The following CHD7 variants were observed in gnomAD, a reference collection of about 807,000 sequenced individuals.
CHD7 encodes ATP-dependent chromatin remodeler CHD7.
A neutral mutation model predicts 307.3 loss-of-function variants in CHD7; 24 were observed. The observed-to-expected ratio is 0.08, with a 90% CI of 0.06 to 0.11. CHD7 has a LOEUF of 0.11. CHD7 is among the 10% of genes least tolerant of loss of function. The pLI, the probability that CHD7 is intolerant of heterozygous loss-of-function variation, is 1.00. For synonymous variants in CHD7, 1,363 were observed against 1,349.9 expected (o/e 1.01, Z -0.21); for missense variants, 3,106 against 3,727.1 (o/e 0.83, Z 4.34).
chr8:60,778,093 G>C (rs755333032), intron 2 of CHD7, among the ~76,000 whole-genome samples: 43 of 150,452 alleles, frequency 2.9e-4, no homozygotes, highest in Non-Finnish European at 5.6e-4. Flanking sequence ...CATCTGGTGG[G>C]GTGGGGGGTG....
intron 19 of CHD7, among the ~76,000 whole-genome samples, chr8:60,840,425 G>A (rs1191646215): frequency 1.3e-5 from 2 of 152,108 alleles, no homozygotes; most frequent in South Asian, 2.1e-4. Flanking sequence ...TGCCTGAGAT[G>A]GATGCTGAGG....
At chr8:60,698,294 G>A (rs372071995) in intron 1 of CHD7, among the ~76,000 whole-genome samples, 17 of 152,344 alleles carry the variant, frequency 1.1e-4, no homozygotes, top group African/African-American at 3.8e-4. Flanking sequence ...AGGATAATTT[G>A]AGAGGATTTT....
At chr8:60,770,919 CATA>C (rs1810678387) in intron 2 of CHD7, among the ~76,000 whole-genome samples, 1 of 152,160 alleles carries the variant, frequency 6.6e-6, no homozygotes, top group African/African-American at 2.4e-5. Context: ...AGGTAGTAGG[CATA>C]ATGTTTGAGA....
At chr8:60,765,165 G>C (rs1429456553) in intron 2 of CHD7, among the ~76,000 whole-genome samples, 1 of 151,832 alleles carries the variant, frequency 6.6e-6, no homozygotes, top group Non-Finnish European at 1.5e-5. Flanking sequence ...TAGGCCTCTG[G>C]TATGTGTCAG....
At chr8:60,712,259 A>G (rs1807314892) in intron 1 of CHD7, among the ~76,000 whole-genome samples, 1 of 152,170 alleles carries the variant, frequency 6.6e-6, no homozygotes, top group Non-Finnish European at 1.5e-5. Context: ...TAAAATTATT[A>G]TTATTATTTT....
chr8:60,742,197 G>A lies in CHD7; in HGVS notation c.765G>A (p.Gln255=). ...CTTCCTTGCGTCACTCGGTGCAGCA[G>A]TTCCATCACCACCCCTCTACTGCTC... ...MAPSLRHSVQ[Q]FHHHPSTALH... The change falls in exon 2 of 38, where the codon CAG becomes CAA. Residue 255 remains glutamine, a synonymous_variant. Transcript: ENST00000423902. 1 of 1,613,912 alleles carries A rather than the reference G, an allele frequency of 6.2e-7. No homozygotes were observed. The highest frequency in any genetic ancestry group is 8.5e-7 in the Non-Finnish European group (1 of 1,179,884).
At chr8:60,722,639 A>G (rs1234793013) in intron 1 of CHD7, among the ~76,000 whole-genome samples, 3 of 152,228 alleles carry the variant, frequency 2.0e-5, no homozygotes, top group Non-Finnish European at 4.4e-5. Context: ...GTTAATATAA[A>G]TAGCGTAACT....
chr8:60,723,727 G>T (rs1808027791), intron 1 of CHD7, among the ~76,000 whole-genome samples: 1 of 152,202 alleles, frequency 6.6e-6, no homozygotes, highest in Non-Finnish European at 1.5e-5. Flanking sequence ...ATTTGGAGTT[G>T]CTTCAAGTTA....
chr8:60,830,489 C>T lies in CHD7; in HGVS notation c.3690C>T (p.Ser1230=), dbSNP rs1472873548. Residue 1230 remains serine (S), a synonymous_variant, in exon 15 of 38, where the codon TCC becomes TCT. Coordinates refer to ENST00000423902, the MANE Select transcript of CHD7 (RefSeq NM_017780.4). ...AILEKNFTFL[S]KGGGQANVPN... ...TTGAGAAGAATTTCACATTTCTTTC[C>T]AAAGGCGGTGGTCAAGCTAACGTAC... 6 of 1,613,936 alleles carry T rather than the reference C, an allele frequency of 3.7e-6. No individual in the cohort carries two copies. The highest frequency in any genetic ancestry group is 2.7e-5 in the African/African-American group (2 of 75,016).
chr8:60,821,994 C>T (rs1056009581), intron 10 of CHD7, 30 bp from the exon 11 acceptor site: 1 of 1,613,362 alleles, frequency 6.2e-7, no homozygotes, highest in South Asian at 1.1e-5. Context: ...TTTGGGAAAC[C>T]ACTAATGGGA....
chr8:60,834,459 G>A lies in CHD7; in HGVS notation c.3779-1614G>A, dbSNP rs78511305. Among the ~76,000 whole-genome samples the A allele has an allele frequency of 6.8e-3, 1,034 of 152,266 alleles. 6 individuals carry two copies. The highest frequency in any genetic ancestry group is 8.2e-3 in the Non-Finnish European group (557 of 68,014). On this transcript the variant is annotated intron_variant, in intron 15 of 37. Transcript: ENST00000423902. ...TAAATCTGTTTCCCCTGTCTCTTGAGGGGCTTGTCCTGAATCTAGAAGCTG... is the reference window on the plus strand; with the variant it reads ...TAAATCTGTTTCCCCTGTCTCTTGAAGGGCTTGTCCTGAATCTAGAAGCTG...
intron 15 of CHD7, among the ~76,000 whole-genome samples, chr8:60,835,065 A>T (rs554660604): frequency 6.6e-6 from 1 of 152,358 alleles, no homozygotes; most frequent in African/African-American, 2.4e-5. Flanking sequence ...TTTTCTGAAG[A>T]ATAGTTGAGC....
chr8:60,851,117 G>T lies in CHD7; in HGVS notation c.5607+13G>T. ...AGATGAAATAGATGTATGAACTTGAGTATATTGGCTTTTATAGCTCCATTA... is the reference window on the plus strand; with the variant it reads ...AGATGAAATAGATGTATGAACTTGATTATATTGGCTTTTATAGCTCCATTA... On this transcript the variant is annotated intron_variant, in intron 27 of 37. Coordinates refer to ENST00000423902, the MANE Select transcript of CHD7 (RefSeq NM_017780.4). 6.4e-7 allele frequency: 1 copy of T among 1,553,376 alleles called. No homozygotes were observed. Among genetic ancestry groups the T allele is most frequent in the Non-Finnish European group, 8.7e-7 (1 of 1,145,302 alleles).
Position 60,742,272 on chromosome 8 carries a change from C to A in CHD7, c.840C>A (p.Pro280=). 1 of 1,613,934 alleles carries A rather than the reference C, an allele frequency of 6.2e-7. No individual in the cohort carries two copies. ...AHSPRFSPNP[P]QQGAVRPQTL... ...GTCCCAGATTCTCCCCGAATCCTCC[C>A]CAACAAGGGGCTGTTAGGCCGCAAA... The change falls in exon 2 of 38, where the codon CCC becomes CCA. Residue 280 remains proline (P), a synonymous_variant. Transcript: ENST00000423902.
In CHD7 at chr8:60,836,821, C is replaced by A; in HGVS notation, c.3994C>A (p.Pro1332Thr). Residue 1332 changes from proline to threonine, a missense_variant, in exon 17 of 38, where the codon CCA (proline) becomes ACA (threonine). Pro to Thr is a conservative substitution (Grantham distance 38). Around this residue, in one of 10 missense-constraint regions of CHD7, gnomAD observed 232 missense variants for 422.5 expected, o/e 0.55. Transcript: ENST00000423902. ...LEDYLIQRRY[P>T]YERIDGRVRG... ...GTTCACACTGATGTTTTCTAGGTACCCATATGAAAGGATCGACGGCCGAGT... is the reference window on the plus strand; with the variant it reads ...GTTCACACTGATGTTTTCTAGGTACACATATGAAAGGATCGACGGCCGAGT... The A allele has an allele frequency of 6.2e-7, 1 of 1,613,168 alleles. No homozygotes were observed. The highest frequency in any genetic ancestry group is 8.5e-7 in the Non-Finnish European group (1 of 1,179,416).
chr8:60,798,997 C>A (rs1812165068), intron 4 of CHD7, among the ~76,000 whole-genome samples: 1 of 152,118 alleles, frequency 6.6e-6, no homozygotes, highest in Non-Finnish European at 1.5e-5. Flanking sequence ...TATTAATAAT[C>A]TGTTGTCTGT....
chr8:60,718,783 C>G (rs1043893702), intron 1 of CHD7, among the ~76,000 whole-genome samples: 6 of 149,098 alleles, frequency 4.0e-5, no homozygotes, highest in African/African-American at 1.6e-4. Flanking sequence ...CATATTCATT[C>G]ACCACTCACT....
chr8:60,787,495 T>C (rs1174145601), intron 3 of CHD7, among the ~76,000 whole-genome samples: 1 of 152,232 alleles, frequency 6.6e-6, no homozygotes, highest in Non-Finnish European at 1.5e-5. Flanking sequence ...TATAGTTTTG[T>C]AGTGTCTAAT....
intron 1 of CHD7, among the ~76,000 whole-genome samples, chr8:60,733,407 C>T (rs1808551889): frequency 6.6e-6 from 1 of 152,148 alleles, no homozygotes; most frequent in Admixed American, 6.5e-5. Context: ...GTTCCTAGGA[C>T]ATGTTGTGTA....
Sources: allele counts gnomAD v4.1 joint callset (sites outside exome capture counted in the v4.1 genomes callset), GRCh38; gene constraint gnomAD v4.1.1; regional missense constraint gnomAD v4.1.1; transcripts MANE v1.5; gene names NCBI Gene and HGNC (gene_info 2026-07-23, HGNC 2026-07-21).